The following TYK2 variants were observed in gnomAD, a reference collection of about 807,000 sequenced individuals.
The protein encoded by TYK2 is non-receptor tyrosine-protein kinase TYK2.
TYK2 carries 65 observed loss-of-function variants against 130.9 expected under a neutral mutation model. The ratio of observed to expected loss-of-function variants is 0.50; its 90% CI spans 0.41 to 0.61. The LOEUF is 0.61. Ranked by LOEUF, TYK2 falls within the 20% of genes least tolerant of loss-of-function variation. The pLI is 0.00. For missense variants in TYK2, 1,378 were observed against 1,610.7 expected, an observed-to-expected ratio of 0.86 and a Z score of 2.47; for synonymous variants, 647 against 658.9, an observed-to-expected ratio of 0.98 and a Z score of 0.28.
Position 10,362,089 on chromosome 19 carries a change from C to T in TYK2, c.1762G>A (p.Glu588Lys), listed in dbSNP as rs150068365. ...QLSFHRVDQK[E>K]ITQLSHLGQG... ...TTCCCTGCACCCACCTGGGTGATCT[C>T]CTTCTGGTCAACCCGGTGGAAGCTG... Residue 588 changes from glutamate (E) to lysine (K), a missense_variant, in exon 12 of 25, where the codon GAG becomes AAG. Physicochemically the swap from Glu to Lys is moderately conservative, Grantham distance 56. Coordinates refer to ENST00000525621, the MANE Select transcript of TYK2 (RefSeq NM_003331.5). The T allele has an allele frequency of 2.7e-5, 44 of 1,613,998 alleles. No individual in the cohort carries two copies. Among genetic ancestry groups the T allele is most frequent in the African/African-American group, 9.3e-5 (7 of 74,926 alleles).
intron 3 of TYK2, chr19:10,368,623 T>C: frequency 3.1e-6 from 2 of 635,506 alleles, no homozygotes; most frequent in Non-Finnish European, 5.3e-6. Flanking sequence ...TTTCCCAGCC[T>C]CCCTTGCAGC....
At position 10,358,023 on chromosome 19, in the gene TYK2, A is replaced by T. The variant is rs1260104968; in HGVS notation, c.2291T>A (p.Leu764Gln). The T allele has an allele frequency of 1.9e-6, 3 of 1,613,386 alleles. No individual in the cohort carries two copies. The highest frequency in any genetic ancestry group is 2.5e-6 in the Non-Finnish European group (3 of 1,180,014). The change falls in exon 16 of 25, where the codon CTG becomes CAG. Residue 764 changes from leucine (L) to glutamine (Q), a missense_variant. Transcript: ENST00000525621. ...FIKLSDPGVG[L>Q]GALSREERVE... ...CTCACCCTCCCTGGAGAGGGCGCCC[A>T]GGCCCACGCCAGGATCACTCAGCTT...
chr19:10,356,421 G>C, intron 18 of TYK2, 147 bp downstream of exon 18: 4 of 943,010 alleles, frequency 4.2e-6, no homozygotes, highest in Non-Finnish European at 6.5e-6. Flanking sequence ...AGGGCAGCCA[G>C]GCAGGGCATG....
intron 3 of TYK2, 84 bp downstream of exon 3, chr19:10,378,130 G>GT (rs1452616850): frequency 7.1e-7 from 1 of 1,403,494 alleles, no homozygotes; most frequent in African/African-American, 1.4e-5. Context: ...GGATGGGTGG[G>GT]TGGGTGGATA....
At chr19:10,358,268 G>A in intron 15 of TYK2, 130 bp from the exon 16 acceptor site, 4 of 362,008 alleles carry the variant, frequency 1.1e-5, no homozygotes, top group Non-Finnish European at 1.7e-5. Context: ...TTTCTGTTTT[G>A]TTTTTTGGGG....
intron 2 of TYK2, among the ~76,000 whole-genome samples, chr19:10,378,833 A>ATCTTATCT (rs2042264340): frequency 1.3e-5 from 2 of 148,802 alleles, no homozygotes; most frequent in South Asian, 2.1e-4. Flanking sequence ...GTTTTATTTT[A>ATCTTATCT]TATCTTATCT....
At chr19:10,368,570 A>AC (rs2041773946) in intron 3 of TYK2, 152 bp from the exon 4 acceptor site, 2 of 1,104,086 alleles carry the variant, frequency 1.8e-6, no homozygotes, top group Admixed American at 4.2e-5. Flanking sequence ...GGCAGAGGAC[A>AC]GTGCGTATGT....
In TYK2 at chr19:10,351,395, G is replaced by A. The variant is rs2040796809; in HGVS notation, c.3319-233C>T. On this transcript the variant is annotated intron_variant, in intron 23 of 24. Transcript: ENST00000525621. ...CCAGCTACTTGGGAGGCTGAGGCAG[G>A]AGGATCGTCTGAACCTGGGAGGCGG... 6.0e-5 allele frequency: 26 copies of A among 433,194 alleles called. 1 individual carries two copies. Among genetic ancestry groups the A allele is most frequent in the South Asian group, 5.3e-4 (26 of 49,038 alleles). 26.8% of individuals were successfully genotyped at this position (433,194 alleles called of 1,614,324 possible).
In TYK2 at chr19:10,353,546, G is replaced by C; in HGVS notation, c.3009C>G (p.Phe1003Leu). 1 of 1,499,286 alleles carries C rather than the reference G, an allele frequency of 6.7e-7. No individual in the cohort carries two copies. The highest frequency in any genetic ancestry group is 8.9e-7 in the Non-Finnish European group (1 of 1,120,358). The allele number at this position is 1,499,286 out of a possible 1,614,324, so 92.9% of individuals were successfully genotyped here. ...GACCAACCTCGCAGATCTGCTGGGC[G>C]AAGAGCAGCAGCTGGGCCAGCCCGA... ...HSIGLAQLLL[F>L]AQQICEGMAY... The change falls in exon 21 of 25, where the codon TTC (phenylalanine) becomes TTG (leucine). Residue 1003 changes from phenylalanine (F) to leucine (L), a missense_variant. Transcript: ENST00000525621. This position sits in a 1 kb window ranked among gnomAD's most constrained non-coding sequence, Gnocchi z 6.9.
At chr19:10,368,624 C>G in intron 3 of TYK2, 1 of 632,558 alleles carries the variant, frequency 1.6e-6, no homozygotes. Context: ...TTCCCAGCCT[C>G]CCTTGCAGCT....
In TYK2 at chr19:10,361,486, G is replaced by A. The variant is rs1338001256; in HGVS notation, c.2047+25C>T. The A allele has an allele frequency of 5.8e-6, 9 of 1,545,958 alleles. No homozygotes were observed. The East Asian group carries it at 1.5e-4, about 25-fold the overall frequency. On this transcript the variant is annotated intron_variant, in intron 14 of 24. Coordinates refer to ENST00000525621, the MANE Select transcript of TYK2 (RefSeq NM_003331.5). This position sits in a 1 kb window ranked among gnomAD's most constrained non-coding sequence, Gnocchi z 4.0. ...AGTCAGGGGTGGCCTGCCAAAGGGG[G>A]ATGGGTATGGCGGGACCCACTCACT...
intron 3 of TYK2, among the ~76,000 whole-genome samples, chr19:10,372,280 A>G (rs1568343033): frequency 6.8e-6 from 1 of 146,112 alleles, no homozygotes; most frequent in African/African-American, 2.5e-5. Flanking sequence ...GGCGTGAGCC[A>G]CGGCGCCCGG....
Position 10,365,560 on chromosome 19 carries a change from C to A in TYK2, c.968G>T (p.Gly323Val). The change falls in exon 7 of 25, where the codon GGC becomes GTC. Residue 323 changes from glycine (G) to valine (V), a missense_variant. Gly to Val is a moderately radical substitution (Grantham distance 109). Coordinates refer to ENST00000525621, the MANE Select transcript of TYK2 (RefSeq NM_003331.5). Reference protein sequence around the residue: ...THEVLVTGTGGIQWWPVEEEV... With the variant: ...THEVLVTGTGVIQWWPVEEEV... ...CTCCTCTACTGGCCACCACTGGATG[C>A]CACCAGTGCCTGTCACCAGCACCTC... The A allele has an allele frequency of 6.2e-7, 1 of 1,614,090 alleles. No homozygotes were observed. The highest frequency in any genetic ancestry group is 8.5e-7 in the Non-Finnish European group (1 of 1,180,016).
rs775262433 is a variant in TYK2, at chr19:10,351,003, C to T, written c.3430-35G>A. The T allele has an allele frequency of 1.9e-6, 3 of 1,614,042 alleles. No individual in the cohort carries two copies. The Admixed American group carries it at 5.0e-5, about 27-fold the overall frequency. ...AAAACCAGGGCTGGTGGGGGCTGCC[C>T]TCTCCACAGCAGGATAGTGGGGTCA... On this transcript the variant is annotated intron_variant, in intron 24 of 24. Transcript: ENST00000525621.
Position 10,378,418 on chromosome 19 carries a change from G to A in TYK2, c.-12C>T, listed in dbSNP as rs1318935187. 3.1e-6 allele frequency: 5 copies of A among 1,607,036 alleles called. No homozygotes were observed. The Middle Eastern group carries it at 7.6e-4, about 246-fold the overall frequency. On this transcript the variant is annotated 5_prime_UTR_variant, in exon 3 of 25. Transcript: ENST00000525621. ...TGGCGCAGAGGCATGCTCCCGGCAG[G>A]TGGCTCAGCTGGAAAGGGGACAATC...
In TYK2 at chr19:10,350,806, T is replaced by A; in HGVS notation, c.*28A>T. ...CCTCTGCAGCCACTGCCTGGTCCAGTCCTCCCAGGCAGGGCTGCCATTGTG... is the reference window on the plus strand; with the variant it reads ...CCTCTGCAGCCACTGCCTGGTCCAGACCTCCCAGGCAGGGCTGCCATTGTG... On this transcript the variant is annotated 3_prime_UTR_variant, in exon 25 of 25. Transcript: ENST00000525621. 6.2e-7 allele frequency: 1 copy of A among 1,611,852 alleles called. No individual in the cohort carries two copies. Among genetic ancestry groups the A allele is most frequent in the South Asian group, 1.1e-5 (1 of 91,002 alleles).
chr19:10,352,112 A>G (rs1450635884), intron 23 of TYK2, among the ~76,000 whole-genome samples: 2 of 142,072 alleles, frequency 1.4e-5, no homozygotes, highest in Non-Finnish European at 3.0e-5. Context: ...TCGCTCTGTC[A>G]CCCAGCTGGA....
At chr19:10,363,488 C>T (rs1169419219) in intron 9 of TYK2, among the ~76,000 whole-genome samples, 1 of 152,136 alleles carries the variant, frequency 6.6e-6, no homozygotes, top group African/African-American at 2.4e-5. Flanking sequence ...CCTACTCCTA[C>T]TCTTGTACTT....
chr19:10,353,986 A>G lies in TYK2; in HGVS notation c.2908+56T>C, dbSNP rs1022133399. The G allele has an allele frequency of 4.4e-6, 7 of 1,574,490 alleles. No homozygotes were observed. Among genetic ancestry groups the G allele is most frequent in the East Asian group, 2.2e-5 (1 of 44,532 alleles). ...AGACTGGCCCCGCCCACAAGGCCAC[A>G]CCCACGCTCTAACCACGCCCCCTCA... is the stretch of plus-strand genomic sequence containing the variant. On this transcript the variant is annotated intron_variant, in intron 20 of 24. Coordinates refer to ENST00000525621, the MANE Select transcript of TYK2 (RefSeq NM_003331.5). This position sits in a 1 kb window ranked among gnomAD's most constrained non-coding sequence, Gnocchi z 6.9.
Sources: gnomAD v4.1 joint callset for allele counts (sites outside exome capture counted in the v4.1 genomes callset) on GRCh38, gnomAD v4.1.1 for gene constraint, Gnocchi (gnomAD v3.1) non-coding constraint, MANE v1.5 for transcripts, NCBI Gene and HGNC (gene_info 2026-07-23, HGNC 2026-07-21) for gene names.